Variants in CYBB observed in about 807,000 individuals in gnomAD.
CYBB encodes NADPH oxidase 2.
Under a neutral mutation model 46.5 loss-of-function variants are expected in CYBB, and 5 were observed. The observed-to-expected ratio is 0.11, with a 90% CI of 0.06 to 0.23. The LOEUF is 0.23. CYBB is among the 10% of genes least tolerant of loss of function. CYBB has a pLI of 1.00. For missense variants in CYBB, 307 were observed against 428.3 expected (o/e 0.72, Z 2.50); for synonymous variants, 183 against 156.7 (o/e 1.17, Z -1.26).
chrX:37,807,706 T>C (rs1267795576), intron 11 of CYBB, among the ~76,000 whole-genome samples: 1 of 111,195 alleles, frequency 9.0e-6, no homozygotes, highest in Non-Finnish European at 1.9e-5. Flanking sequence ...ATATATCTAA[T>C]GAATGTGATA....
chrX:37,799,883 TA>T (rs1325364719), intron 7 of CYBB, among the ~76,000 whole-genome samples: 1 of 111,313 alleles, frequency 9.0e-6, no homozygotes, highest in Non-Finnish European at 1.9e-5. Context: ...TGAAGAGGAT[TA>T]TTTTTTTTTC....
At chrX:37,805,729 T>C (rs782645423) in intron 10 of CYBB, among the ~76,000 whole-genome samples, 2 of 110,651 alleles carry the variant, frequency 1.8e-5, no homozygotes, top group Admixed American at 1.9e-4. Context: ...CACCCAATAC[T>C]TTTTTTGCAA....
chrX:37,791,895 T>C, intron 3 of CYBB, 80 bp from the exon 4 acceptor site: 1 of 710,738 alleles, frequency 1.4e-6, no homozygotes, highest in Non-Finnish European at 2.3e-6. Flanking sequence ...TTAAATGAGA[T>C]AATATGTATC....
intron 5 of CYBB, among the ~76,000 whole-genome samples, chrX:37,795,196 T>A (rs1048466856): frequency 1.1e-4 from 12 of 111,747 alleles, no homozygotes; most frequent in African/African-American, 3.9e-4. Flanking sequence ...GTCCCTTTTC[T>A]CACAGGCTCA....
intron 11 of CYBB, among the ~76,000 whole-genome samples, chrX:37,807,460 T>C (rs1929588420): frequency 9.1e-6 from 1 of 110,467 alleles, no homozygotes; most frequent in Non-Finnish European, 1.9e-5. Context: ...TGCATATATA[T>C]TGCCAGGTAT....
chrX:37,780,203 T>C (rs993091056), intron 1 of CYBB, 81 bp downstream of exon 1: 425 of 841,021 alleles, frequency 5.1e-4, no homozygotes, highest in South Asian at 5.1e-4. Flanking sequence ...AAAGCTTTTT[T>C]GTTCATTTGA....
intron 2 of CYBB, 21 bp downstream of exon 2, chrX:37,782,204 A>G: frequency 1.0e-6 from 1 of 979,223 alleles, no homozygotes. Context: ...ATTCCATCCC[A>G]TGCAATATTG....
Position 37,798,990 on chromosome X carries a change from C to A in CYBB, c.710C>A (p.Ala237Asp). Residue 237 changes from alanine to aspartate, a missense_variant, in exon 7 of 13, where the codon GCT (alanine) becomes GAT (aspartate). Physicochemically the swap from Ala to Asp is moderately radical, Grantham distance 126 (BLOSUM62 -2). Coordinates refer to ENST00000378588, the MANE Select transcript of CYBB (RefSeq NM_000397.4). Reference sequence around the variant, plus strand: ...CGTGGGCAGACCGCAGAGAGTTTGGCTGTGCATAATATAACAGTTTGTGAA... The same window carrying A: ...CGTGGGCAGACCGCAGAGAGTTTGGATGTGCATAATATAACAGTTTGTGAA... ...IVRGQTAESL[A>D]VHNITVCEQK... is the part of the protein sequence containing the mutation. 8.3e-7 allele frequency: 1 copy of A among 1,207,786 alleles called. No individual in the cohort carries two copies. The highest frequency in any genetic ancestry group is 1.1e-6 in the Non-Finnish European group (1 of 892,513).
intron 10 of CYBB, 40 bp downstream of exon 10, chrX:37,805,208 C>T (rs368448841): frequency 7.8e-5 from 91 of 1,170,490 alleles, no homozygotes; most frequent in Non-Finnish European, 5.6e-5. Context: ...AGAGCAGTAA[C>T]CATACTCTGC....
chrX:37,806,870 G>GTCTC (rs1226125606), intron 11 of CYBB, among the ~76,000 whole-genome samples: 2 of 104,484 alleles, frequency 1.9e-5, no homozygotes, highest in African/African-American at 7.8e-5. Context: ...CTCTCTCTCT[G>GTCTC]TCTCTCTGTC....
chrX:37,808,239 C>T (rs896711441), intron 11 of CYBB, among the ~76,000 whole-genome samples: 1 of 111,842 alleles, frequency 8.9e-6, no homozygotes, highest in African/African-American at 3.2e-5. Flanking sequence ...GGTTGTCTAG[C>T]AAAGGCTGCA....
intron 2 of CYBB, among the ~76,000 whole-genome samples, chrX:37,783,087 A>G (rs1928988097): frequency 9.0e-6 from 1 of 111,680 alleles, no homozygotes; most frequent in East Asian, 2.8e-4. Context: ...AGTGTTAAAG[A>G]GAAAGTGAAC....
At chrX:37,793,520 C>A (rs1357515306) in intron 4 of CYBB, 145 bp from the exon 5 acceptor site, 1 of 585,809 alleles carries the variant, frequency 1.7e-6, no homozygotes, top group Non-Finnish European at 2.8e-6. Flanking sequence ...GTTCTGGAGA[C>A]CCAGTTCTTG....
intron 5 of CYBB, among the ~76,000 whole-genome samples, chrX:37,794,139 T>C (rs2146810518): frequency 9.0e-6 from 1 of 111,468 alleles, no homozygotes; most frequent in African/African-American, 3.3e-5. Context: ...CGAACAAGGT[T>C]TGGTTTATTA....
At chrX:37,791,255 C>A (rs1216780163) in intron 3 of CYBB, among the ~76,000 whole-genome samples, 2 of 110,313 alleles carry the variant, frequency 1.8e-5, no homozygotes, top group African/African-American at 6.6e-5. Flanking sequence ...AATGGTACCT[C>A]CCTTGTACCA....
chrX:37,798,671 T>C, intron 6 of CYBB, among the ~76,000 whole-genome samples: 1 of 112,436 alleles, frequency 8.9e-6, no homozygotes, highest in Non-Finnish European at 1.9e-5. Context: ...AAAATGATAC[T>C]TGAGACAGAA....
At chrX:37,798,289 T>C (rs1387556400) in intron 6 of CYBB, 3 of 112,567 alleles carry the variant, frequency 2.7e-5, no homozygotes, top group Non-Finnish European at 5.6e-5. Context: ...ATTTATTGAA[T>C]TGAAATGAAT....
At chrX:37,808,264 G>A (rs782051481) in intron 11 of CYBB, among the ~76,000 whole-genome samples, 4 of 112,172 alleles carry the variant, frequency 3.6e-5, no homozygotes, top group Non-Finnish European at 5.6e-5. Flanking sequence ...CTGGGTGGGA[G>A]AAATACTGTG....
At chrX:37,805,393 A>G (rs1290357183) in intron 10 of CYBB, among the ~76,000 whole-genome samples, 1 of 112,034 alleles carries the variant, frequency 8.9e-6, no homozygotes, top group Non-Finnish European at 1.9e-5. Context: ...GTATTTGTAT[A>G]GTGTTGCTGG....
Sources: allele counts gnomAD v4.1 joint callset (sites outside exome capture counted in the v4.1 genomes callset), GRCh38; gene constraint gnomAD v4.1.1; transcripts MANE v1.5; gene names NCBI Gene and HGNC (gene_info 2026-07-23, HGNC 2026-07-21).